Variants in TBC1D9 observed in about 807,000 individuals in gnomAD.
The protein encoded by TBC1D9 is TBC1 domain family member 9.
Under a neutral mutation model 132.0 loss-of-function variants are expected in TBC1D9, and 63 were observed. That is an observed-to-expected ratio of 0.48 (90% CI 0.39 to 0.59). The LOEUF is 0.59. TBC1D9 is among the 20% of genes least tolerant of loss of function. TBC1D9 has a pLI of 0.00. For synonymous variants in TBC1D9, 610 were observed against 609.9 expected (o/e 1.00, Z 0.00); for missense variants, 1,261 against 1,592.7 (o/e 0.79, Z 3.54).
At chr4:140,642,073 G>A (rs1453919318) in intron 13 of TBC1D9, 3 of 699,490 alleles carry the variant, frequency 4.3e-6, no homozygotes, top group Non-Finnish European at 7.9e-6. Flanking sequence ...CAGAGTCCGG[G>A]AGGGGGCGGA....
At chr4:140,624,046 G>T in intron 20 of TBC1D9, 70 bp downstream of exon 20, 3 of 1,245,250 alleles carry the variant, frequency 2.4e-6, no homozygotes, top group South Asian at 1.4e-5. Flanking sequence ...TACATTTATC[G>T]ATGACTTTTC....
intron 1 of TBC1D9, among the ~76,000 whole-genome samples, chr4:140,753,005 T>G (rs1738949509): frequency 6.6e-6 from 1 of 152,170 alleles, no homozygotes; most frequent in Non-Finnish European, 1.5e-5. Flanking sequence ...AGCTGATATC[T>G]AACACTTACT....
At chr4:140,644,624 G>A (rs1407136502) in intron 13 of TBC1D9, 19 of 384,088 alleles carry the variant, frequency 4.9e-5, no homozygotes, top group Non-Finnish European at 8.9e-5. Flanking sequence ...GCCTTCAGCC[G>A]CTCCAGCTGG....
At chr4:140,745,621 A>G (rs1317413547) in intron 1 of TBC1D9, among the ~76,000 whole-genome samples, 1 of 152,182 alleles carries the variant, frequency 6.6e-6, no homozygotes, top group Non-Finnish European at 1.5e-5. Context: ...TTATAATAAG[A>G]CTGCAGTATA....
At chr4:140,656,462 C>G (rs1010274477) in intron 13 of TBC1D9, among the ~76,000 whole-genome samples, 1 of 152,162 alleles carries the variant, frequency 6.6e-6, no homozygotes, top group Admixed American at 6.5e-5. Flanking sequence ...AATCTTCCTG[C>G]GCCCAGCTAT....
chr4:140,717,224 A>G (rs1022285353), intron 1 of TBC1D9, among the ~76,000 whole-genome samples: 2 of 152,198 alleles, frequency 1.3e-5, no homozygotes, highest in Non-Finnish European at 2.9e-5. Flanking sequence ...GAACCAGGAG[A>G]TGCAGACAGG....
Position 140,670,804 on chromosome 4 carries a change from C to T in TBC1D9, c.1182G>A (p.Arg394=), listed in dbSNP as rs1355543035. Residue 394 remains arginine (R), a synonymous_variant, in exon 7 of 21, where the codon AGG becomes AGA. Coordinates refer to ENST00000442267, the MANE Select transcript of TBC1D9 (RefSeq NM_015130.3). The stretch of plus-strand genomic sequence containing the variant: ...TAGTCTGTTGCAGGAAATCTGAGAT[C>T]CTCTGCACTAGAAAGTCTCTATCTT... ...NLKDRDFLVQ[R]ISDFLQQTTS... 3 of 1,613,854 alleles carry T rather than the reference C, an allele frequency of 1.9e-6. No individual in the cohort carries two copies. The highest frequency in any genetic ancestry group is 2.7e-5 in the African/African-American group (2 of 74,920).
In TBC1D9 at chr4:140,682,336, A is replaced by G. The variant is rs370453417; in HGVS notation, c.361-2493T>C. 1.6e-4 allele frequency among the ~76,000 whole-genome samples: 25 copies of G among 152,286 alleles called. 1 individual carries two copies. The South Asian group carries it at 5.2e-3, about 32-fold the overall frequency. Reference sequence around the variant, plus strand: ...ACTCTACCAAGAGAACAAAGACATTAAGCTCGATGAAGGCCAGGAGGGAGC... The same window carrying G: ...ACTCTACCAAGAGAACAAAGACATTGAGCTCGATGAAGGCCAGGAGGGAGC... On this transcript the variant is annotated intron_variant, in intron 3 of 20. Transcript: ENST00000442267.
chr4:140,643,535 C>A (rs1278090643), intron 13 of TBC1D9: 7 of 874,384 alleles, frequency 8.0e-6, no homozygotes, highest in Non-Finnish European at 1.1e-5. Flanking sequence ...CCCCGGCGGG[C>A]ACGTCACAGT....
chr4:140,755,944 G>T lies in TBC1D9; in HGVS notation c.102C>A (p.Gly34=). 1 of 1,590,058 alleles carries T rather than the reference G, an allele frequency of 6.3e-7. No homozygotes were observed. The highest frequency in any genetic ancestry group is 1.1e-5 in the South Asian group (1 of 87,672). Residue 34 remains glycine, a synonymous_variant, in exon 1 of 21, where the codon GGC becomes GGA. Transcript: ENST00000442267. ...FILQRRKGHA[G]DGGGGGGLAG... ...CCAGTCCGCCGCCGCCGCCTCCATC[G>T]CCGGCGTGGCCCTTCCTCCGCTGCA...
At chr4:140,742,002 G>A (rs977475078) in intron 1 of TBC1D9, among the ~76,000 whole-genome samples, 3 of 152,052 alleles carry the variant, frequency 2.0e-5, no homozygotes, top group Non-Finnish European at 2.9e-5. Context: ...GTTGGTTCAC[G>A]TCTGCCTGTA....
intron 9 of TBC1D9, 68 bp from the exon 10 acceptor site, chr4:140,662,175 C>T: frequency 1.6e-6 from 2 of 1,245,918 alleles, no homozygotes; most frequent in Admixed American, 1.7e-5. Flanking sequence ...GCAACTACAG[C>T]TTATGATTGA....
intron 1 of TBC1D9, among the ~76,000 whole-genome samples, chr4:140,741,360 A>G (rs1012695938): frequency 6.6e-6 from 1 of 152,208 alleles, no homozygotes; most frequent in African/African-American, 2.4e-5. Context: ...TTCCCTTTCC[A>G]AATCTCCTCC....
chr4:140,681,890 G>A (rs1031893837), intron 3 of TBC1D9, among the ~76,000 whole-genome samples: 1 of 152,154 alleles, frequency 6.6e-6, no homozygotes, highest in African/African-American at 2.4e-5. Flanking sequence ...TGGGTTCTAA[G>A]CATTCTCACG....
At chr4:140,696,255 G>A (rs1442845267) in intron 2 of TBC1D9, among the ~76,000 whole-genome samples, 8 of 151,722 alleles carry the variant, frequency 5.3e-5, no homozygotes, top group South Asian at 2.1e-4. Flanking sequence ...TCAGGAGTTC[G>A]AGACCAGCCT....
chr4:140,754,062 T>G (rs1420360490), intron 1 of TBC1D9, among the ~76,000 whole-genome samples: 3 of 152,194 alleles, frequency 2.0e-5, no homozygotes, highest in Admixed American at 1.3e-4. Flanking sequence ...TTTACCTAAG[T>G]GAAAGAAGTC....
intron 1 of TBC1D9, among the ~76,000 whole-genome samples, chr4:140,720,313 G>A (rs1738403770): frequency 6.6e-6 from 1 of 152,162 alleles, no homozygotes; most frequent in South Asian, 2.1e-4. Flanking sequence ...AGTCACATGT[G>A]TTGTTGTATA....
chr4:140,657,064 T>C (rs1295597560), intron 13 of TBC1D9, 33 bp downstream of exon 13: 2 of 1,610,070 alleles, frequency 1.2e-6, no homozygotes, highest in Non-Finnish European at 1.7e-6. Flanking sequence ...GAATGCATGG[T>C]TAAGCCCTGC....
chr4:140,722,687 C>T (rs902440231), intron 1 of TBC1D9, among the ~76,000 whole-genome samples: 1 of 152,180 alleles, frequency 6.6e-6, no homozygotes, highest in African/African-American at 2.4e-5. Flanking sequence ...TTTTACTCTT[C>T]AATTATTATT....
Sources: allele counts gnomAD v4.1 joint callset (sites outside exome capture counted in the v4.1 genomes callset), GRCh38; gene constraint gnomAD v4.1.1; transcripts MANE v1.5; gene names NCBI Gene and HGNC (gene_info 2026-07-23, HGNC 2026-07-21).